Variants in SNX25 observed in about 807,000 individuals in gnomAD.
SNX25 encodes the protein sorting nexin-25.
SNX25 carries 62 observed loss-of-function variants against 113.7 expected under a neutral mutation model. That is an observed-to-expected ratio of 0.55 (90% confidence interval 0.44 to 0.67). The LOEUF is 0.67. SNX25 is among the 30% of genes least tolerant of loss of function. The pLI, the probability that SNX25 is intolerant of heterozygous loss-of-function variation, is 0.00. For synonymous variants in SNX25, 421 were observed against 436.2 expected (o/e 0.97, Z 0.43); for missense variants, 1,014 against 1,161.0 (o/e 0.87, Z 1.84).
chr4:185,206,852 C>G (rs1269431056), upstream of SNX25, among the ~76,000 whole-genome samples: 1 of 152,068 alleles, frequency 6.6e-6, no homozygotes, highest in African/African-American at 2.4e-5. Flanking sequence ...TGGTGTGGCT[C>G]AGTCCAACTC....
In SNX25 at chr4:185,334,020, G is replaced by T. The variant is rs941523478; in HGVS notation, c.1914+1261G>T. 6.9e-6 allele frequency among the ~76,000 whole-genome samples: 1 copy of T among 145,394 alleles called. No individual in the cohort carries two copies. Among genetic ancestry groups the T allele is most frequent in the African/African-American group, 2.6e-5 (1 of 38,610 alleles). On this transcript the variant is annotated intron_variant, in intron 10 of 18. Coordinates refer to ENST00000652585, the MANE Select transcript of SNX25 (RefSeq NM_001378034.2). The surrounding 1 kb of genome is among the most constrained non-coding windows in gnomAD (Gnocchi z 4.2). ...GCCGTGATCATGTTACTGCACTCCA[G>T]ACTGGGCAATAGTCTCAAAAAAAAA... is the stretch of plus-strand genomic sequence containing the variant.
chr4:185,238,604 G>A (rs1237135310), intron 1 of SNX25, among the ~76,000 whole-genome samples: 1 of 152,176 alleles, frequency 6.6e-6, no homozygotes, highest in African/African-American at 2.4e-5. Context: ...GTCAGATGCT[G>A]CATATACTTG....
At chr4:185,285,837 A>G (rs2126603849) in intron 5 of SNX25, among the ~76,000 whole-genome samples, 1 of 152,186 alleles carries the variant, frequency 6.6e-6, no homozygotes, top group Non-Finnish European at 1.5e-5. Context: ...CAGTAACACA[A>G]TCATAGCTCA....
chr4:185,314,436 C>A (rs1279447225), intron 7 of SNX25, among the ~76,000 whole-genome samples: 1 of 151,840 alleles, frequency 6.6e-6, no homozygotes, highest in East Asian at 1.9e-4. Flanking sequence ...AATAGGACAT[C>A]ACTAACAGAT....
chr4:185,283,824 C>A (rs897570826), intron 5 of SNX25, among the ~76,000 whole-genome samples: 9 of 152,130 alleles, frequency 5.9e-5, no homozygotes, highest in Admixed American at 2.6e-4. Flanking sequence ...AATATCTAAA[C>A]AGGTACCCAG....
At chr4:185,343,475 T>G (rs1699445255) in intron 12 of SNX25, among the ~76,000 whole-genome samples, 1 of 152,240 alleles carries the variant, frequency 6.6e-6, no homozygotes, top group South Asian at 2.1e-4. Flanking sequence ...ACTGTGAGTT[T>G]CAGTTAAAAT....
At chr4:185,314,231 G>A (rs1475639364) in intron 7 of SNX25, among the ~76,000 whole-genome samples, 2 of 151,232 alleles carry the variant, frequency 1.3e-5, no homozygotes, top group African/African-American at 4.9e-5. Context: ...GGCTCATGCT[G>A]GTAATTCCAG....
chr4:185,230,494 G>C (rs1445477599), intron 1 of SNX25, among the ~76,000 whole-genome samples: 2 of 150,814 alleles, frequency 1.3e-5, no homozygotes. Flanking sequence ...CCAGGTTCAA[G>C]CAATTCTCCT....
In SNX25 at chr4:185,247,511, G is replaced by A. The variant is rs866162591; in HGVS notation, c.514+133G>A. 16 of 711,188 alleles carry A rather than the reference G, an allele frequency of 2.2e-5. No homozygotes were observed. In the Middle Eastern group the frequency reaches 4.2e-3, roughly 187 times the overall value. 44.1% of individuals were successfully genotyped at this position (711,188 alleles called of 1,614,324 possible). ...TTAGGAATTTTTTCTTCATGAGTTT[G>A]TATTTGATGACTAAATACATCCATG... On this transcript the variant is annotated intron_variant, in intron 2 of 18. Coordinates refer to ENST00000652585, the MANE Select transcript of SNX25 (RefSeq NM_001378034.2).
At chr4:185,208,041 A>G (rs1438114220), upstream of SNX25, among the ~76,000 whole-genome samples, 1 of 152,216 alleles carries the variant, frequency 6.6e-6, no homozygotes, top group Non-Finnish European at 1.5e-5. Context: ...AGGGGCTCCA[A>G]TTGGGTGAAA....
chr4:185,344,297 C>A (rs2095274096), intron 12 of SNX25, among the ~76,000 whole-genome samples: 1 of 152,068 alleles, frequency 6.6e-6, no homozygotes, highest in Non-Finnish European at 1.5e-5. Flanking sequence ...GTTTGGAATG[C>A]AGAAGAGGCA....
the SNX25 span, chr4:185,378,107 A>C: frequency 6.2e-7 from 1 of 1,613,714 alleles, no homozygotes; most frequent in Non-Finnish European, 8.5e-7. Flanking sequence ...CCACTGGAAA[A>C]ATTTTTGGTT....
intron 1 of SNX25, among the ~76,000 whole-genome samples, chr4:185,234,778 A>G (rs886523101): frequency 6.6e-6 from 1 of 152,066 alleles, no homozygotes; most frequent in Non-Finnish European, 1.5e-5. Context: ...AAGCACTTTT[A>G]TGTGCATATT....
intron 1 of SNX25, among the ~76,000 whole-genome samples, chr4:185,245,317 C>T (rs561706691): frequency 2.6e-5 from 4 of 151,730 alleles, no homozygotes; most frequent in African/African-American, 9.7e-5. Flanking sequence ...ATAGTCTCTC[C>T]TTTAAGAAAA....
At chr4:185,249,042 T>C (rs1189862644) in intron 2 of SNX25, among the ~76,000 whole-genome samples, 7 of 152,248 alleles carry the variant, frequency 4.6e-5, no homozygotes, top group Admixed American at 4.6e-4. Flanking sequence ...GCTATGACAA[T>C]ATGTTTACCC....
chr4:185,274,422 A>G (rs1250885049), intron 5 of SNX25, among the ~76,000 whole-genome samples: 1 of 152,104 alleles, frequency 6.6e-6, no homozygotes, highest in East Asian at 1.9e-4. Context: ...CTTTTATTTT[A>G]TTGGTCAGAA....
chr4:185,267,073 G>T lies in SNX25; in HGVS notation c.1009G>T (p.Ala337Ser). The change falls in exon 5 of 19, where the codon GCC becomes TCC. Residue 337 changes from alanine (A) to serine (S), a missense_variant. Ala to Ser is a moderately conservative substitution (Grantham distance 99, BLOSUM62 1). Transcript: ENST00000652585. ...REQMNEHHKR[A>S]YTYAPSYEDF... ...GCAAATGAATGAGCATCACAAGAGA[G>T]CCTACACCTATGCCCCCTCTTACGA... The T allele has an allele frequency of 6.2e-7, 1 of 1,613,976 alleles. No homozygotes were observed. Among genetic ancestry groups the T allele is most frequent in the Non-Finnish European group, 8.5e-7 (1 of 1,179,960 alleles).
In SNX25 at chr4:185,232,229, C is replaced by T. The variant is rs552937515; in HGVS notation, c.430-15065C>T. The stretch of plus-strand genomic sequence containing the variant: ...TAGGCAGGCACACCTGGGACAGTTA[C>T]AGCAGGTAATTTATCTCCTAGCACA... On this transcript the variant is annotated intron_variant, in intron 1 of 18. Transcript: ENST00000652585. The surrounding 1 kb of genome is among the most constrained non-coding windows in gnomAD (Gnocchi z 4.4). 5.3e-5 allele frequency among the ~76,000 whole-genome samples: 8 copies of T among 152,282 alleles called. No homozygotes were observed. The South Asian group carries it at 1.7e-3, about 32-fold the overall frequency.
At chr4:185,229,361 C>T (rs1741482293) in intron 1 of SNX25, among the ~76,000 whole-genome samples, 2 of 152,124 alleles carry the variant, frequency 1.3e-5, no homozygotes, top group African/African-American at 2.4e-5. Context: ...TGAGAATGGG[C>T]GAGCGCCGTG....
Sources: allele counts gnomAD v4.1 joint callset (sites outside exome capture counted in the v4.1 genomes callset), GRCh38; gene constraint gnomAD v4.1.1; non-coding constraint Gnocchi (gnomAD v3.1); transcripts MANE v1.5; gene names NCBI Gene and HGNC (gene_info 2026-07-23, HGNC 2026-07-21).